CCSER2: variants seen among roughly 807,000 people sequenced by gnomAD.
The protein encoded by CCSER2 is coiled-coil serine rich protein 2.
A neutral mutation model predicts 92.3 loss-of-function variants in CCSER2; 46 were observed. That is an observed-to-expected ratio of 0.50 (90% CI 0.39 to 0.64). CCSER2 has a LOEUF of 0.64. Among genes scored for constraint, CCSER2 ranks in the 30% least tolerant of loss-of-function variants. CCSER2 has a pLI of 0.00. For synonymous variants in CCSER2, 433 were observed against 431.4 expected, an observed-to-expected ratio of 1.00 and a Z score of -0.04; for missense variants, 1,244 against 1,238.9, an observed-to-expected ratio of 1.00 and a Z score of -0.06.
At chr10:84,451,254 G>GTTT (rs554339043) in intron 6 of CCSER2, among the ~76,000 whole-genome samples, 39 of 139,574 alleles carry the variant, frequency 2.8e-4, no homozygotes, top group Middle Eastern at 3.6e-3. Context: ...GGTTGGTTGG[G>GTTT]TTTTTTTTTT....
chr10:84,419,055 G>C (rs888630328), intron 4 of CCSER2, among the ~76,000 whole-genome samples: 2 of 152,002 alleles, frequency 1.3e-5, no homozygotes, highest in African/African-American at 2.4e-5. Context: ...TTACTAAAAC[G>C]TAAGATTTAC....
chr10:84,450,864 G>A (rs1288152267), intron 6 of CCSER2, among the ~76,000 whole-genome samples: 3 of 152,134 alleles, frequency 2.0e-5, no homozygotes, highest in Non-Finnish European at 4.4e-5. Flanking sequence ...CAAATTAGGT[G>A]TTATAAAAAG....
intron 6 of CCSER2, among the ~76,000 whole-genome samples, chr10:84,460,199 C>T (rs1050120849): frequency 6.8e-6 from 1 of 147,944 alleles, no homozygotes; most frequent in Non-Finnish European, 1.5e-5. Context: ...AAGCAATTCT[C>T]CTGCCTTGGC....
chr10:84,339,256 G>A (rs1589385010), intron 1 of CCSER2, among the ~76,000 whole-genome samples: 1 of 151,510 alleles, frequency 6.6e-6, no homozygotes, highest in African/African-American at 2.4e-5. Context: ...TTCCCACCTT[G>A]GCCTCCCAAA....
At chr10:84,392,251 A>T (rs1289476526) in intron 3 of CCSER2, among the ~76,000 whole-genome samples, 3 of 150,076 alleles carry the variant, frequency 2.0e-5, no homozygotes, top group Non-Finnish European at 4.4e-5. Context: ...AAACGTTTTA[A>T]CATGTGGAGC....
At chr10:84,487,561 G>T (rs530867663) in intron 9 of CCSER2, among the ~76,000 whole-genome samples, 1 of 152,186 alleles carries the variant, frequency 6.6e-6, no homozygotes, top group Non-Finnish European at 1.5e-5. Flanking sequence ...TGGTGTATAA[G>T]AATGCTTGTG....
intron 9 of CCSER2, among the ~76,000 whole-genome samples, chr10:84,493,197 G>A (rs563352252): frequency 1.4e-4 from 22 of 152,206 alleles, no homozygotes; most frequent in African/African-American, 4.1e-4. Context: ...GATAGTTTGT[G>A]GTTTTGAGGA....
chr10:84,446,645 A>C (rs1844935028), intron 6 of CCSER2, among the ~76,000 whole-genome samples: 1 of 152,196 alleles, frequency 6.6e-6, no homozygotes, highest in Admixed American at 6.5e-5. Context: ...ATAAGGGTTC[A>C]GTTTAACTTA....
At chr10:84,416,485 G>A (rs1026425085) in intron 3 of CCSER2, among the ~76,000 whole-genome samples, 2 of 152,234 alleles carry the variant, frequency 1.3e-5, no homozygotes, top group Non-Finnish European at 1.5e-5. Context: ...AATTTCCAGA[G>A]ATTTTGTTTT....
At chr10:84,383,527 G>C (rs550452521) in intron 3 of CCSER2, among the ~76,000 whole-genome samples, 1 of 152,022 alleles carries the variant, frequency 6.6e-6, no homozygotes. Context: ...AGCCAGGATG[G>C]TCTCGATCTC....
chr10:84,370,401 A>G (rs1846000170), intron 1 of CCSER2, among the ~76,000 whole-genome samples: 1 of 151,980 alleles, frequency 6.6e-6, no homozygotes, highest in African/African-American at 2.4e-5. Flanking sequence ...GCTATGGTCA[A>G]AGGGATTGAG....
intron 9 of CCSER2, among the ~76,000 whole-genome samples, chr10:84,481,874 C>T (rs1391040845): frequency 1.3e-5 from 2 of 152,100 alleles, no homozygotes; most frequent in East Asian, 1.9e-4. Context: ...TAGAGCGGCA[C>T]AGTCCTATAC....
At chr10:84,349,431 G>C (rs1005687778) in intron 1 of CCSER2, among the ~76,000 whole-genome samples, 1 of 152,094 alleles carries the variant, frequency 6.6e-6, no homozygotes, top group African/African-American at 2.4e-5. Flanking sequence ...CCAGCACTTG[G>C]GGAGGCAGGA....
intron 9 of CCSER2, among the ~76,000 whole-genome samples, chr10:84,488,971 T>G (rs1847976042): frequency 1.3e-5 from 2 of 152,216 alleles, no homozygotes; most frequent in South Asian, 4.1e-4. Context: ...AGAACATCTT[T>G]ATTTCTGCCT....
chr10:84,332,434 A>ATTTTTTTTTTTTTTTTTTTTTTTTTTTT (rs1336634806), intron 1 of CCSER2, among the ~76,000 whole-genome samples: 1 of 66,076 alleles, frequency 1.5e-5, no homozygotes, highest in Admixed American at 2.3e-4. Context: ...ATATATATAT[A>ATTTTTTTTTTTTTTTTTTTTTTTTTTTT]TATTTTTTTT....
At chr10:84,509,015 T>C (rs1396070280) in intron 9 of CCSER2, among the ~76,000 whole-genome samples, 1 of 152,202 alleles carries the variant, frequency 6.6e-6, no homozygotes, top group Non-Finnish European at 1.5e-5. Flanking sequence ...TAAAAAACAT[T>C]TGGTGGCTAA....
intron 6 of CCSER2, among the ~76,000 whole-genome samples, chr10:84,456,500 T>C (rs900444336): frequency 6.6e-6 from 1 of 152,220 alleles, no homozygotes; most frequent in African/African-American, 2.4e-5. Context: ...GGTATTTATG[T>C]TGCTTTCTAC....
intron 6 of CCSER2, among the ~76,000 whole-genome samples, chr10:84,450,962 T>G (rs1420816023): frequency 6.6e-6 from 1 of 152,224 alleles, no homozygotes; most frequent in African/African-American, 2.4e-5. Context: ...GGTGTGTATC[T>G]ACAGTTTTTC....
At chr10:84,460,094 T>TG (rs940101918) in intron 6 of CCSER2, among the ~76,000 whole-genome samples, 10 of 144,394 alleles carry the variant, frequency 6.9e-5, no homozygotes, top group Non-Finnish European at 1.2e-4. Context: ...TCGATTTTTT[T>TG]TTTTTTTTTT....
Sources: gnomAD v4.1 joint callset for allele counts (sites outside exome capture counted in the v4.1 genomes callset) on GRCh38, gnomAD v4.1.1 for gene constraint, MANE v1.5 for transcripts, NCBI Gene and HGNC (gene_info 2026-07-23, HGNC 2026-07-21) for gene names.